SDK1: variants seen among roughly 807,000 people sequenced by gnomAD.
The protein encoded by SDK1 is protein sidekick-1.
In SDK1, 157 loss-of-function variants were observed where a neutral mutation model predicts 245.5. The observed-to-expected ratio is 0.64, with a 90% CI of 0.56 to 0.73. SDK1 has a LOEUF of 0.73. Among genes scored for constraint, SDK1 ranks in the 30% least tolerant of loss-of-function variants. SDK1 has a pLI of 0.00. For missense variants in SDK1, 3,583 were observed against 3,002.3 expected (o/e 1.19, Z -4.52); for synonymous variants, 1,647 against 1,278.5 (o/e 1.29, Z -6.15).
intron 1 of SDK1, among the ~76,000 whole-genome samples, chr7:3,465,632 C>T (rs1367139635): frequency 1.3e-5 from 2 of 152,102 alleles, no homozygotes; most frequent in Non-Finnish European, 2.9e-5. Context: ...CATCCTGATT[C>T]ACCACTTTAC....
At position 3,385,560 on chromosome 7, in the gene SDK1, GTC is replaced by G. The variant is rs371517976; in HGVS notation, c.298+83682_298+83683del. Among the ~76,000 whole-genome samples, 1,050 of 151,968 alleles carry G rather than the reference GTC, an allele frequency of 6.9e-3. 12 individuals carry two copies. The highest frequency in any genetic ancestry group is 0.024 in the African/African-American group (1,006 of 41,448). On this transcript the variant is annotated intron_variant, in intron 1 of 44. Coordinates refer to ENST00000404826, the MANE Select transcript of SDK1 (RefSeq NM_152744.4). ...AGCCTCAGACCCATCGCACCTGCTGGTCTCTCTGCCTGGAATCTTCTTTAAAA... is the reference window on the plus strand; with the variant it reads ...AGCCTCAGACCCATCGCACCTGCTGGTCTCTGCCTGGAATCTTCTTTAAAA...
intron 42 of SDK1, among the ~76,000 whole-genome samples, chr7:4,238,532 C>T (rs946730967): frequency 1.4e-4 from 21 of 151,678 alleles, no homozygotes; most frequent in Non-Finnish European, 2.5e-4. Context: ...CACTGTACTC[C>T]AGCCTGGACA....
At chr7:4,230,400 CAGGGGAGGGA>C (rs1001092249) in intron 40 of SDK1, among the ~76,000 whole-genome samples, 1 of 80,262 alleles carries the variant, frequency 1.2e-5, no homozygotes, top group Admixed American at 1.8e-4. Flanking sequence ...GAAGGGAGGG[CAGGGGAGGGA>C]AGGGGAGGAA....
At chr7:3,447,402 A>G (rs2128590497) in intron 1 of SDK1, among the ~76,000 whole-genome samples, 1 of 151,038 alleles carries the variant, frequency 6.6e-6, no homozygotes, top group South Asian at 2.1e-4. Flanking sequence ...ACTCTTCCCC[A>G]TGCTCAAACA....
chr7:4,164,077 A>G (rs936226142), intron 32 of SDK1, among the ~76,000 whole-genome samples: 3 of 152,172 alleles, frequency 2.0e-5, no homozygotes, highest in South Asian at 2.1e-4. Context: ...CTTTCCAGGC[A>G]ATGAAAGAAT....
At chr7:3,551,398 C>T (rs1365474423) in intron 1 of SDK1, among the ~76,000 whole-genome samples, 1 of 152,148 alleles carries the variant, frequency 6.6e-6, no homozygotes. Flanking sequence ...TCATATCCAA[C>T]TGGGGAATCA....
At chr7:4,095,581 A>T (rs955192249) in intron 22 of SDK1, among the ~76,000 whole-genome samples, 6 of 151,268 alleles carry the variant, frequency 4.0e-5, no homozygotes, top group Admixed American at 6.6e-5. Flanking sequence ...TTATTTATTT[A>T]TTTTTTTCCG....
chr7:3,495,949 A>C (rs1336061113), intron 1 of SDK1, among the ~76,000 whole-genome samples: 2 of 152,178 alleles, frequency 1.3e-5, no homozygotes, highest in African/African-American at 4.8e-5. Context: ...TTCCAGAAGA[A>C]TTTTGCATAC....
chr7:3,890,002 C>T (rs944484341), intron 5 of SDK1, among the ~76,000 whole-genome samples: 10 of 152,226 alleles, frequency 6.6e-5, no homozygotes, highest in Non-Finnish European at 1.3e-4. Flanking sequence ...CCAAGAACCT[C>T]TGACTGGTTC....
intron 22 of SDK1, among the ~76,000 whole-genome samples, chr7:4,094,279 C>G (rs1781998966): frequency 6.6e-6 from 1 of 152,146 alleles, no homozygotes; most frequent in South Asian, 2.1e-4. Flanking sequence ...CCAGGCTGGT[C>G]TCAAACTCCT....
intron 5 of SDK1, among the ~76,000 whole-genome samples, chr7:3,942,230 G>A (rs1316306867): frequency 2.0e-5 from 3 of 152,196 alleles, no homozygotes; most frequent in African/African-American, 7.2e-5. Context: ...CTCTCAGCAA[G>A]TGCTTATAGT....
At chr7:4,211,710 C>T (rs1242775824) in intron 38 of SDK1, among the ~76,000 whole-genome samples, 1 of 152,148 alleles carries the variant, frequency 6.6e-6, no homozygotes, top group East Asian at 1.9e-4. Context: ...CCCGGGTTCG[C>T]ACCATTCTCC....
intron 4 of SDK1, among the ~76,000 whole-genome samples, chr7:3,795,421 G>C (rs1394532102): frequency 6.6e-6 from 1 of 152,066 alleles, no homozygotes; most frequent in Admixed American, 6.6e-5. Flanking sequence ...TTATATTACA[G>C]AGAAAGGCAT....
intron 5 of SDK1, among the ~76,000 whole-genome samples, chr7:3,857,873 TTAAA>T (rs1478301520): frequency 6.6e-6 from 1 of 152,194 alleles, no homozygotes; most frequent in Non-Finnish European, 1.5e-5. Flanking sequence ...AGCAAAGCTA[TTAAA>T]TATTTTTGAA....
chr7:4,049,548 G>GT, intron 18 of SDK1, 85 bp downstream of exon 18: 1 of 995,440 alleles, frequency 1.0e-6, no homozygotes, highest in Non-Finnish European at 1.6e-6. Context: ...CCCCTCTTGT[G>GT]TATCAAGAGC....
intron 4 of SDK1, among the ~76,000 whole-genome samples, chr7:3,655,832 C>T (rs865912620): frequency 5.3e-5 from 8 of 151,950 alleles, no homozygotes; most frequent in South Asian, 2.1e-4. Flanking sequence ...GCCACGTGGT[C>T]GCTGTGTGAC....
At position 3,631,957 on chromosome 7, in the gene SDK1, G is replaced by A. The variant is rs190408320; in HGVS notation, c.459-7047G>A. 1.6e-3 allele frequency among the ~76,000 whole-genome samples: 236 copies of A among 152,176 alleles called. 1 individual carries two copies. Among genetic ancestry groups the A allele is most frequent in the Non-Finnish European group, 2.1e-3 (146 of 68,010 alleles). ...GGTTTAGGTCTTTTTTCCATTATGCGTTGGAATGGATTTTTTTGATTATGT... is the reference window on the plus strand; with the variant it reads ...GGTTTAGGTCTTTTTTCCATTATGCATTGGAATGGATTTTTTTGATTATGT... On this transcript the variant is annotated intron_variant, in intron 2 of 44. Coordinates refer to ENST00000404826, the MANE Select transcript of SDK1 (RefSeq NM_152744.4).
rs370811103 is a variant in SDK1, at chr7:3,905,708, G to A, written c.848-45215G>A. Among the ~76,000 whole-genome samples the A allele has an allele frequency of 1.3e-4, 20 of 151,306 alleles. 1 individual carries two copies. Among genetic ancestry groups the A allele is most frequent in the East Asian group, 3.9e-4 (2 of 5,156 alleles). On this transcript the variant is annotated intron_variant, in intron 5 of 44. Transcript: ENST00000404826. ...TGGCACAATCACTCACTGTAACCCCGAACTCCTGGGTTCAAGCAATCTTCT... is the reference window on the plus strand; with the variant it reads ...TGGCACAATCACTCACTGTAACCCCAAACTCCTGGGTTCAAGCAATCTTCT...
chr7:4,261,309 C>T (rs191849176), intron 44 of SDK1, among the ~76,000 whole-genome samples: 7 of 152,256 alleles, frequency 4.6e-5, no homozygotes, highest in Admixed American at 3.9e-4. Flanking sequence ...TCACTCACCG[C>T]ACCCAGGGAC....
Sources: gnomAD v4.1 joint callset for allele counts (sites outside exome capture counted in the v4.1 genomes callset) on GRCh38, gnomAD v4.1.1 for gene constraint, MANE v1.5 for transcripts, NCBI Gene and HGNC (gene_info 2026-07-23, HGNC 2026-07-21) for gene names.